The following MMP26 variants were observed in gnomAD, a reference collection of about 807,000 sequenced individuals.
The protein encoded by MMP26 is matrix metalloproteinase-26.
A neutral mutation model predicts 31.0 loss-of-function variants in MMP26; 33 were observed. The observed-to-expected ratio is 1.06, with a 90% CI of 0.81 to 1.42. The LOEUF (loss-of-function observed/expected upper bound fraction) is 1.42, where lower values mean the gene tolerates loss of function less well. Ranked by LOEUF, MMP26 falls within the 40% of genes most tolerant of loss-of-function variation. MMP26 has a pLI of 0.00. For synonymous variants in MMP26, 122 were observed against 114.9 expected (o/e 1.06, Z -0.40); for missense variants, 347 against 316.1 (o/e 1.10, Z -0.74).
At chr11:4,884,268 A>T (rs74479301) in intron 2 of MMP26, among the ~76,000 whole-genome samples, 1 of 152,106 alleles carries the variant, frequency 6.6e-6, no homozygotes, top group African/African-American at 2.4e-5. Flanking sequence ...TGCAATTATA[A>T]GTAAAATTCG....
intron 2 of MMP26, among the ~76,000 whole-genome samples, chr11:4,933,195 T>C (rs1350847007): frequency 6.6e-6 from 1 of 152,100 alleles, no homozygotes; most frequent in Non-Finnish European, 1.5e-5. Context: ...TGTGTATTTG[T>C]GTGTGTGGTT....
intron 1 of MMP26, among the ~76,000 whole-genome samples, chr11:4,713,794 T>A (rs138851846): frequency 6.6e-6 from 1 of 152,238 alleles, no homozygotes; most frequent in East Asian, 1.9e-4. Context: ...AGGGGCGATC[T>A]GGTGGGTTTT....
At chr11:4,948,966 T>C (rs77815973) in intron 2 of MMP26, among the ~76,000 whole-genome samples, 1 of 124,070 alleles carries the variant, frequency 8.1e-6, no homozygotes, top group African/African-American at 2.7e-5. Context: ...AGTTTGTGTA[T>C]GTTTGTGTGT....
At chr11:4,884,480 A>G (rs1485670694) in intron 2 of MMP26, among the ~76,000 whole-genome samples, 1 of 152,152 alleles carries the variant, frequency 6.6e-6, no homozygotes, top group Non-Finnish European at 1.5e-5. Flanking sequence ...CAAAAGTGCA[A>G]GAAGCCAAAG....
At chr11:4,964,193 T>C (rs1846559166) in intron 2 of MMP26, among the ~76,000 whole-genome samples, 2 of 152,196 alleles carry the variant, frequency 1.3e-5, no homozygotes, top group Admixed American at 1.3e-4. Flanking sequence ...CCCAAGCCTA[T>C]GTTCTTAATG....
intron 2 of MMP26, among the ~76,000 whole-genome samples, chr11:4,770,671 C>T (rs530787590): frequency 5.9e-5 from 9 of 151,956 alleles, no homozygotes; most frequent in Non-Finnish European, 1.3e-4. Context: ...GGTGAAACCC[C>T]GTCTCTACTA....
chr11:4,900,930 T>A (rs957841942), intron 2 of MMP26, among the ~76,000 whole-genome samples: 2 of 152,150 alleles, frequency 1.3e-5, no homozygotes, highest in Non-Finnish European at 2.9e-5. Context: ...TTCTCCTAAG[T>A]ACTATCTTTC....
At chr11:4,716,860 A>C (rs11033507) in intron 1 of MMP26, among the ~76,000 whole-genome samples, 50,961 of 151,384 alleles carry the variant, frequency 0.34, 10,088 homozygotes, top group African/African-American at 0.55. Context: ...ATGGGGTCTC[A>C]CCATTTTGGC....
intron 1 of MMP26, among the ~76,000 whole-genome samples, chr11:4,713,784 A>G (rs771619458): frequency 5.9e-5 from 9 of 152,098 alleles, no homozygotes; most frequent in South Asian, 2.1e-4. Flanking sequence ...TGTGAAGATG[A>G]GGGGCGATCT....
At chr11:4,802,955 T>C (rs894859043) in intron 2 of MMP26, among the ~76,000 whole-genome samples, 12 of 152,236 alleles carry the variant, frequency 7.9e-5, no homozygotes, top group Non-Finnish European at 1.8e-4. Flanking sequence ...ATTTTGTTTT[T>C]ATAAGGCATG....
chr11:4,865,604 CCTT>C (rs772310184), intron 2 of MMP26, among the ~76,000 whole-genome samples: 68 of 151,130 alleles, frequency 4.5e-4, no homozygotes, highest in Non-Finnish European at 6.2e-4. Context: ...TCCTCCTCCT[CCTT>C]CTTCTTATTT....
At chr11:4,790,482 A>G (rs1005845008) in intron 2 of MMP26, among the ~76,000 whole-genome samples, 1 of 152,214 alleles carries the variant, frequency 6.6e-6, no homozygotes, top group Non-Finnish European at 1.5e-5. Flanking sequence ...ACAGTAGGTC[A>G]CACTTAGAAA....
At chr11:4,926,480 C>T (rs1418939771) in intron 2 of MMP26, among the ~76,000 whole-genome samples, 1 of 152,048 alleles carries the variant, frequency 6.6e-6, no homozygotes, top group African/African-American at 2.4e-5. Context: ...AAGAGAAATT[C>T]AAGTAAAAGT....
rs544775336 is a variant in MMP26, at chr11:4,883,726, A to G, written c.-144-104342A>G. The stretch of plus-strand genomic sequence containing the variant: ...TACCTTCTGGTATACTCATCACTCT[A>G]GAATTGCACAGTAGCTTTGATGCTT... On this transcript the variant is annotated intron_variant, in intron 2 of 7. Coordinates refer to ENST00000380390, the MANE Select transcript of MMP26 (RefSeq NM_021801.5). Among the ~76,000 whole-genome samples, 8 of 152,258 alleles carry G rather than the reference A, an allele frequency of 5.3e-5. No homozygotes were observed. In the East Asian group the frequency reaches 1.5e-3, roughly 29 times the overall value.
chr11:4,877,908 C>G (rs1447119150), intron 2 of MMP26: 2 of 152,098 alleles, frequency 1.3e-5, no homozygotes, highest in African/African-American at 2.4e-5. Context: ...AAAATTTACT[C>G]ACTTTGGTAT....
intron 1 of MMP26, among the ~76,000 whole-genome samples, chr11:4,740,469 G>C (rs191593858): frequency 3.9e-5 from 6 of 152,128 alleles, no homozygotes; most frequent in African/African-American, 9.6e-5. Flanking sequence ...GGATCACAAG[G>C]TCAGGAGTTT....
chr11:4,818,221 A>G (rs553694011), intron 2 of MMP26, among the ~76,000 whole-genome samples: 7 of 152,166 alleles, frequency 4.6e-5, no homozygotes, highest in Non-Finnish European at 8.8e-5. Flanking sequence ...CATTGGTAGA[A>G]CTCAAAAATC....
chr11:4,801,373 A>G (rs1052537882), intron 2 of MMP26, among the ~76,000 whole-genome samples: 2 of 151,782 alleles, frequency 1.3e-5, no homozygotes, highest in African/African-American at 4.8e-5. Context: ...CTGCACAAGC[A>G]TGGGTGCCAG....
Position 4,903,961 on chromosome 11 carries a change from G to A in MMP26, c.-144-84107G>A, listed in dbSNP as rs908712995. The stretch of plus-strand genomic sequence containing the variant: ...TATGCCCTGACGGTTAAACAAGAAG[G>A]TTAAATATCGGGGTGTTTTTCTAAT... On this transcript the variant is annotated intron_variant, in intron 2 of 7. Coordinates refer to ENST00000380390, the MANE Select transcript of MMP26 (RefSeq NM_021801.5). The A allele has an allele frequency of 2.6e-5, 4 of 152,176 alleles. No individual in the cohort carries two copies. The South Asian group carries it at 8.3e-4, about 32-fold the overall frequency. The allele number at this position is 152,176 out of a possible 1,614,324, so 9.4% of individuals were successfully genotyped here.
Sources: allele counts gnomAD v4.1 joint callset (sites outside exome capture counted in the v4.1 genomes callset), GRCh38; gene constraint gnomAD v4.1.1; transcripts MANE v1.5; gene names NCBI Gene and HGNC (gene_info 2026-07-23, HGNC 2026-07-21).